Variants in SIL1 observed in about 807,000 individuals in gnomAD.
SIL1 encodes the protein SIL1 nucleotide exchange factor, also known as nucleotide exchange factor SIL1.
In SIL1, 40 loss-of-function variants were observed where a neutral mutation model predicts 49.1. The observed-to-expected ratio is 0.81, with a 90% CI of 0.63 to 1.06. The LOEUF is 1.06. SIL1 is among the 50% of genes least tolerant of loss of function. The pLI, the probability that SIL1 is intolerant of heterozygous loss-of-function variation, is 0.00. For missense variants in SIL1, 500 were observed against 572.6 expected (o/e 0.87, Z 1.29); for synonymous variants, 253 against 250.8 (o/e 1.01, Z -0.08).
intron 1 of SIL1, among the ~76,000 whole-genome samples, chr5:139,192,165 G>A (rs1216310944): frequency 6.6e-6 from 1 of 150,456 alleles, no homozygotes; most frequent in Non-Finnish European, 1.5e-5. Flanking sequence ...TGAGGTGGAA[G>A]GATTGCTTGA....
chr5:139,130,090 T>C (rs1275010161), intron 1 of SIL1, among the ~76,000 whole-genome samples: 1 of 152,074 alleles, frequency 6.6e-6, no homozygotes, highest in Admixed American at 6.5e-5. Flanking sequence ...CTGAGCAACA[T>C]GGCTAGACCT....
At chr5:138,969,314 C>A (rs1767222271) in intron 7 of SIL1, among the ~76,000 whole-genome samples, 1 of 152,176 alleles carries the variant, frequency 6.6e-6, no homozygotes, top group Non-Finnish European at 1.5e-5. Flanking sequence ...CCCCAGGTGG[C>A]CACTGTCACC....
At chr5:139,092,075 G>A (rs749027893) in intron 3 of SIL1, among the ~76,000 whole-genome samples, 2 of 152,160 alleles carry the variant, frequency 1.3e-5, no homozygotes, top group Admixed American at 6.5e-5. Context: ...ACCATCCAAC[G>A]GGAGTATGGG....
At chr5:139,072,279 A>G (rs944565928) in intron 3 of SIL1, among the ~76,000 whole-genome samples, 1 of 152,236 alleles carries the variant, frequency 6.6e-6, no homozygotes, top group Non-Finnish European at 1.5e-5. Context: ...AATAACTCAG[A>G]ATACCAGTCA....
At position 139,026,705 on chromosome 5, in the gene SIL1, G is replaced by T. The variant is rs1768659314; in HGVS notation, c.645+96C>A. On this transcript the variant is annotated intron_variant, in intron 6 of 9. Coordinates refer to ENST00000394817, the MANE Select transcript of SIL1 (RefSeq NM_022464.5). ...AAATAGTCTGTGCTCTGGGAGAGAA[G>T]TAAAGATGTTGATGCTATTTTCTTA... The T allele has an allele frequency of 2.7e-6, 3 of 1,094,900 alleles. No homozygotes were observed. In the Admixed American group the frequency reaches 5.2e-5, roughly 19 times the overall value. 67.8% of individuals were successfully genotyped at this position (1,094,900 alleles called of 1,614,324 possible).
intron 8 of SIL1, 113 bp downstream of exon 8, chr5:138,951,675 C>A: frequency 9.8e-7 from 1 of 1,024,424 alleles, no homozygotes; most frequent in Admixed American, 1.7e-5. Context: ...TGCCACCCAG[C>A]AGATGATGCT....
chr5:139,174,122 A>G (rs1265042375), intron 1 of SIL1, among the ~76,000 whole-genome samples: 1 of 152,094 alleles, frequency 6.6e-6, no homozygotes, highest in African/African-American at 2.4e-5. Context: ...GAGAATAGAA[A>G]AATAATAGAA....
At chr5:138,953,875 G>A (rs942442300) in intron 7 of SIL1, among the ~76,000 whole-genome samples, 1 of 152,200 alleles carries the variant, frequency 6.6e-6, no homozygotes, top group Non-Finnish European at 1.5e-5. Context: ...ATCTGACATC[G>A]CATCAGCCTT....
rs762543125 is a variant in SIL1 at position 138,951,190 on chromosome 5, T to C, written c.1010A>G (p.Tyr337Cys). ...ACTCACCTTCTCCGTGACCAGGTCG[T>C]AGAGCAGTGTGACCACGCGCACGGC... ...VLAVRVVTLL[Y>C]DLVTEKMFAE... The change falls in exon 9 of 10, where the codon TAC becomes TGC. Residue 337 changes from tyrosine (Y) to cysteine (C), a missense_variant. Coordinates refer to ENST00000394817, the MANE Select transcript of SIL1 (RefSeq NM_022464.5). 4 of 1,611,474 alleles carry C rather than the reference T, an allele frequency of 2.5e-6. No homozygotes were observed. The highest frequency in any genetic ancestry group is 1.3e-5 in the African/African-American group (1 of 74,894).
At chr5:139,183,474 G>A (rs1160981731) in intron 1 of SIL1, among the ~76,000 whole-genome samples, 1 of 152,142 alleles carries the variant, frequency 6.6e-6, no homozygotes, top group Non-Finnish European at 1.5e-5. Flanking sequence ...AGGGCAAGGT[G>A]ATTTTCCATA....
At chr5:138,978,374 C>T (rs1238594420) in intron 7 of SIL1, among the ~76,000 whole-genome samples, 1 of 152,154 alleles carries the variant, frequency 6.6e-6, no homozygotes, top group Non-Finnish European at 1.5e-5. Context: ...ATCAGTACTT[C>T]ATTTCTTTTT....
chr5:139,041,051 CAGTG>C (rs1205056382), intron 5 of SIL1, among the ~76,000 whole-genome samples: 3 of 152,166 alleles, frequency 2.0e-5, no homozygotes, highest in Non-Finnish European at 4.4e-5. Context: ...ATGGAACCGA[CAGTG>C]GGTGGGAAGG....
At chr5:139,004,309 T>C (rs1013223261) in intron 7 of SIL1, among the ~76,000 whole-genome samples, 14 of 152,168 alleles carry the variant, frequency 9.2e-5, no homozygotes, top group African/African-American at 3.4e-4. Context: ...CCTCTGTTTT[T>C]ATAACCCAGT....
chr5:138,998,048 T>C (rs1311797946), intron 7 of SIL1, among the ~76,000 whole-genome samples: 1 of 152,214 alleles, frequency 6.6e-6, no homozygotes, highest in Non-Finnish European at 1.5e-5. Context: ...TTGCTTTGGG[T>C]AGTATTATCA....
At chr5:138,989,076 A>G (rs557470031) in intron 7 of SIL1, among the ~76,000 whole-genome samples, 1 of 152,344 alleles carries the variant, frequency 6.6e-6, no homozygotes, top group Admixed American at 6.5e-5. Flanking sequence ...GTGGAAGGAC[A>G]CAGTGGAGGA....
intron 7 of SIL1, chr5:139,012,511 A>T (rs950362349): frequency 6.6e-6 from 1 of 152,222 alleles, no homozygotes; most frequent in African/African-American, 2.4e-5. Context: ...CTTCTCTAAA[A>T]AGGCTCTTTT....
intron 7 of SIL1, among the ~76,000 whole-genome samples, chr5:138,982,614 G>A (rs943195051): frequency 6.6e-6 from 1 of 152,222 alleles, no homozygotes; most frequent in African/African-American, 2.4e-5. Flanking sequence ...CCCACTTCAA[G>A]TAAAGGGCAG....
intron 3 of SIL1, among the ~76,000 whole-genome samples, chr5:139,088,371 C>T (rs534171132): frequency 6.6e-6 from 1 of 152,214 alleles, no homozygotes; most frequent in African/African-American, 2.4e-5. Context: ...TTTCATTCCC[C>T]ATGGGAACAC....
At chr5:139,043,458 C>A (rs77841297) in intron 4 of SIL1, among the ~76,000 whole-genome samples, 1 of 152,186 alleles carries the variant, frequency 6.6e-6, no homozygotes, top group African/African-American at 2.4e-5. Context: ...GACAAGGCAG[C>A]CTGTCTTTAC....
Sources: gnomAD v4.1 joint callset for allele counts (sites outside exome capture counted in the v4.1 genomes callset) on GRCh38, gnomAD v4.1.1 for gene constraint, MANE v1.5 for transcripts, NCBI Gene and HGNC (gene_info 2026-07-23, HGNC 2026-07-21) for gene names.